The following CIMAP1D variants were observed in gnomAD, a reference collection of about 807,000 sequenced individuals.
CIMAP1D encodes the protein CIMAP1 family member D.
chr19:483,885 G>A, the CIMAP1D span, among the ~76,000 whole-genome samples: 113 of 152,258 alleles, frequency 7.4e-4, 4 homozygotes, highest in East Asian at 0.02. Context: ...GCCAGGCCCC[G>A]CTTTGCCTCT....
the CIMAP1D span, chr19:489,224 C>G: frequency 6.6e-6 from 1 of 152,100 alleles, no homozygotes; most frequent in East Asian, 1.9e-4. Flanking sequence ...CCCTGCGGGT[C>G]GAGAATGTCA....
chr19:486,027 CAG>C, the CIMAP1D span, among the ~76,000 whole-genome samples: 2 of 152,246 alleles, frequency 1.3e-5, no homozygotes, highest in Non-Finnish European at 2.9e-5. Flanking sequence ...CGCAAGGACA[CAG>C]AGAACCTGCC....
chr19:481,573 G>GGAAGGATGATGGA, the CIMAP1D span, among the ~76,000 whole-genome samples: 1 of 147,442 alleles, frequency 6.8e-6, no homozygotes, highest in Non-Finnish European at 1.5e-5. Context: ...AAGGATGGTG[G>GGAAGGATGATGGA]GAAGGATGAT....
chr19:464,264 G>A, the CIMAP1D span: 2 of 1,537,436 alleles, frequency 1.3e-6, no homozygotes, highest in African/African-American at 1.4e-5. Context: ...GGGGCTTCAG[G>A]GGGAGGCGGC....
chr19:485,543 C>T, the CIMAP1D span, among the ~76,000 whole-genome samples: 5 of 152,214 alleles, frequency 3.3e-5, no homozygotes, highest in South Asian at 2.1e-4. Context: ...AGCTCACTGA[C>T]GGTGGAGAAG....
the CIMAP1D span, chr19:467,501 C>A: frequency 2.4e-5 from 16 of 676,640 alleles, no homozygotes; most frequent in Middle Eastern, 2.5e-4. Flanking sequence ...AGTGGCGGCC[C>A]CTCCTCCGTG....
the CIMAP1D span, among the ~76,000 whole-genome samples, chr19:477,396 A>C: frequency 6.6e-6 from 1 of 152,192 alleles, no homozygotes; most frequent in Admixed American, 6.5e-5. Context: ...CACCATGGTG[A>C]AACCCCGTCT....
the CIMAP1D span, among the ~76,000 whole-genome samples, chr19:465,692 TGTGG>T: frequency 1.7e-5 from 1 of 57,694 alleles, no homozygotes. Flanking sequence ...TAGATGGTTG[TGTGG>T]GTGGGTGGGT....
At chr19:484,690 G>A in the CIMAP1D span, among the ~76,000 whole-genome samples, 2 of 152,204 alleles carry the variant, frequency 1.3e-5, no homozygotes, top group African/African-American at 4.8e-5. Context: ...GGGCAGGACC[G>A]CACCTGGCGA....
At chr19:463,762 G>T in the CIMAP1D span, 4 of 1,517,838 alleles carry the variant, frequency 2.6e-6, no homozygotes, top group Admixed American at 2.2e-5. Flanking sequence ...AGCCCCTCTC[G>T]CCTTCTAGCC....
At chr19:474,133 C>T in the CIMAP1D span, among the ~76,000 whole-genome samples, 2 of 152,118 alleles carry the variant, frequency 1.3e-5, no homozygotes, top group African/African-American at 2.4e-5. Flanking sequence ...AGAACCAGCC[C>T]GAGGACCTGG....
At chr19:485,685 T>A in the CIMAP1D span, among the ~76,000 whole-genome samples, 1 of 152,154 alleles carries the variant, frequency 6.6e-6, no homozygotes, top group Admixed American at 6.5e-5. Flanking sequence ...CGACATTCTT[T>A]CCTAAAACAC....
chr19:487,700 T>C, the CIMAP1D span, among the ~76,000 whole-genome samples: 3 of 152,112 alleles, frequency 2.0e-5, no homozygotes, highest in Non-Finnish European at 4.4e-5. Flanking sequence ...GCAGGGGGGA[T>C]CAGCTGAGGT....
the CIMAP1D span, among the ~76,000 whole-genome samples, chr19:488,962 G>T: frequency 6.6e-6 from 1 of 150,902 alleles, no homozygotes; most frequent in African/African-American, 2.4e-5. Context: ...CGTCCGCGCC[G>T]CCCGCCCCAA....
At chr19:470,747 G>C in the CIMAP1D span, among the ~76,000 whole-genome samples, 1 of 152,228 alleles carries the variant, frequency 6.6e-6, no homozygotes, top group Non-Finnish European at 1.5e-5. Flanking sequence ...TGGGACCTTG[G>C]AGCAGCGGTA....
chr19:474,247 C>T, the CIMAP1D span, among the ~76,000 whole-genome samples: 1 of 152,324 alleles, frequency 6.6e-6, no homozygotes, highest in Non-Finnish European at 1.5e-5. Flanking sequence ...AGAGCCGCCT[C>T]CGCACACGCG....
At chr19:476,571 T>C in the CIMAP1D span, among the ~76,000 whole-genome samples, 7 of 152,230 alleles carry the variant, frequency 4.6e-5, no homozygotes, top group African/African-American at 7.2e-5. Flanking sequence ...GTAATTTTAA[T>C]GTATTGCATG....
At chr19:480,907 T>TGGGAAGGATGATG in the CIMAP1D span, among the ~76,000 whole-genome samples, 3 of 64,606 alleles carry the variant, frequency 4.6e-5, no homozygotes, top group East Asian at 5.3e-4. Flanking sequence ...AGAAGGAATG[T>TGGGAAGGATGATG]GGGAAGGATG....
the CIMAP1D span, chr19:464,436 GC>G: frequency 1.1e-6 from 1 of 888,624 alleles, no homozygotes; most frequent in Non-Finnish European, 1.8e-6. Context: ...GCTCCCCATG[GC>G]CCACATGCAC....
Sources: gnomAD v4.1 joint callset for allele counts (sites outside exome capture counted in the v4.1 genomes callset) on GRCh38, gnomAD v4.1.1 for gene constraint, MANE v1.5 for transcripts, NCBI Gene and HGNC (gene_info 2026-07-23, HGNC 2026-07-21) for gene names.